LRRC19: variants seen among roughly 807,000 people sequenced by gnomAD.
LRRC19 encodes the protein leucine rich repeat containing 19, also known as leucine-rich repeat-containing protein 19.
LRRC19 carries 33 observed loss-of-function variants against 33.3 expected under a neutral mutation model. The observed-to-expected ratio is 0.99, with a 90% CI of 0.75 to 1.33. LRRC19 has a LOEUF of 1.33. Ranked by LOEUF, LRRC19 falls within the 40% of genes most tolerant of loss-of-function variation. The pLI is 0.00. For synonymous variants in LRRC19, 184 were observed against 152.3 expected, an observed-to-expected ratio of 1.21 and a Z score of -1.53; for missense variants, 463 against 417.3, an observed-to-expected ratio of 1.11 and a Z score of -0.95.
In LRRC19 at chr9:26,996,296, G is replaced by C. The variant is rs923630893; in HGVS notation, c.784+15C>G. On this transcript the variant is annotated intron_variant, in intron 4 of 4. Coordinates refer to ENST00000380055, the MANE Select transcript of LRRC19 (RefSeq NM_022901.3). ...ATACATTCAGCAGTGTTAATATATA[G>C]AACCAGTATATTACCTGAATTTCTT... The C allele has an allele frequency of 2.0e-6, 3 of 1,469,706 alleles. No homozygotes were observed. Among genetic ancestry groups the C allele is most frequent in the Non-Finnish European group, 2.8e-6 (3 of 1,068,874 alleles). 91.0% of individuals were successfully genotyped at this position (1,469,706 alleles called of 1,614,324 possible).
In LRRC19 at chr9:26,997,716, A is replaced by T; in HGVS notation, c.595+12T>A. The T allele has an allele frequency of 6.3e-7, 1 of 1,575,306 alleles. No individual in the cohort carries two copies. The highest frequency in any genetic ancestry group is 8.6e-7 in the Non-Finnish European group (1 of 1,165,862). On this transcript the variant is annotated intron_variant, in intron 3 of 4. Transcript: ENST00000380055. ...AATCACATTTTGGTTTTGCTTAATT[A>T]TGATAGCTTACCTAATGTCACATTT...
Position 26,994,862 on chromosome 9 carries a change from A to G in LRRC19, c.*659T>C, listed in dbSNP as rs2131563678. On this transcript the variant is annotated 3_prime_UTR_variant, in exon 5 of 5. Coordinates refer to ENST00000380055, the MANE Select transcript of LRRC19 (RefSeq NM_022901.3). ...TGTGATGCCCACTTTGGAAGCCAGTATGACATTAAACTGTAGTGATCCTGC... is the reference window on the plus strand; with the variant it reads ...TGTGATGCCCACTTTGGAAGCCAGTGTGACATTAAACTGTAGTGATCCTGC... 6.5e-6 allele frequency: 1 copy of G among 152,708 alleles called. No homozygotes were observed. Among genetic ancestry groups the G allele is most frequent in the South Asian group, 2.1e-4 (1 of 4,824 alleles). 9.5% of individuals were successfully genotyped at this position (152,708 alleles called of 1,614,324 possible). A position where few individuals can be genotyped will look rare whatever the true frequency, so the allele number is the denominator to read the frequency against.
chr9:27,002,708 G>A (rs1207553483), intron 1 of LRRC19, among the ~76,000 whole-genome samples: 1 of 152,148 alleles, frequency 6.6e-6, no homozygotes, highest in African/African-American at 2.4e-5. Flanking sequence ...AGAAAATTTT[G>A]AAGTCAGGTA....
chr9:27,004,853 G>GA (rs1026622668), intron 1 of LRRC19, among the ~76,000 whole-genome samples: 37 of 148,880 alleles, frequency 2.5e-4, no homozygotes, highest in South Asian at 4.2e-4. Context: ...CTACGTTACT[G>GA]AAAAAAAAAG....
rs756712096 is a variant in LRRC19, at chr9:26,997,830, G to A, written c.493C>T (p.Leu165=). ...NLISYLDVPP[L]FHLELITLYG... ...AAAGTTATTAATTCCAGATGAAATAGTGGTGGTACATCCAAATAGCTAATC... is the reference window on the plus strand; with the variant it reads ...AAAGTTATTAATTCCAGATGAAATAATGGTGGTACATCCAAATAGCTAATC... Residue 165 remains leucine, a synonymous_variant, in exon 3 of 5, where the codon CTA becomes TTA. Coordinates refer to ENST00000380055, the MANE Select transcript of LRRC19 (RefSeq NM_022901.3). The A allele has an allele frequency of 1.9e-6, 3 of 1,614,178 alleles. No homozygotes were observed. Among genetic ancestry groups the A allele is most frequent in the South Asian group, 1.1e-5 (1 of 91,080 alleles).
chr9:27,003,671 A>G (rs1434550728), intron 1 of LRRC19, among the ~76,000 whole-genome samples: 1 of 152,180 alleles, frequency 6.6e-6, no homozygotes, highest in East Asian at 1.9e-4. Context: ...TTGTTGATCC[A>G]TTTATGCACA....
intron 1 of LRRC19, 51 bp from the exon 2 acceptor site, chr9:26,999,754 T>C (rs1223848368): frequency 7.8e-7 from 1 of 1,276,504 alleles, no homozygotes; most frequent in Non-Finnish European, 1.1e-6. Flanking sequence ...TTTTCCCTCT[T>C]TTGAATCTGT....
intron 1 of LRRC19, among the ~76,000 whole-genome samples, chr9:27,000,380 TG>T (rs1416577243): frequency 6.6e-6 from 1 of 152,194 alleles, no homozygotes; most frequent in African/African-American, 2.4e-5. Context: ...CTTATATTGA[TG>T]GTCTTGATTT....
chr9:27,004,115 A>G (rs1010087170), intron 1 of LRRC19, among the ~76,000 whole-genome samples: 1 of 152,222 alleles, frequency 6.6e-6, no homozygotes, highest in African/African-American at 2.4e-5. Context: ...AAAAGTTGAT[A>G]TGAAATAGAA....
chr9:26,999,773 T>TC, intron 1 of LRRC19, 70 bp from the exon 2 acceptor site: 1 of 512,060 alleles, frequency 2.0e-6, no homozygotes, highest in East Asian at 4.6e-5. Flanking sequence ...GTTTATTCTT[T>TC]TTTTTTTTTT....
At chr9:27,002,413 C>T (rs1056246775) in intron 1 of LRRC19, among the ~76,000 whole-genome samples, 7 of 152,200 alleles carry the variant, frequency 4.6e-5, no homozygotes, top group Non-Finnish European at 7.3e-5. Flanking sequence ...TTTCTTGAAA[C>T]AGTTTTATAG....
intron 1 of LRRC19, among the ~76,000 whole-genome samples, chr9:26,999,951 T>G (rs1187411866): frequency 2.6e-5 from 4 of 151,976 alleles, no homozygotes; most frequent in Admixed American, 2.6e-4. Context: ...TAAAAATTTT[T>G]GTAGAGATGG....
chr9:26,999,760 T>A, intron 1 of LRRC19, 57 bp from the exon 2 acceptor site: 24 of 957,468 alleles, frequency 2.5e-5, no homozygotes, highest in Non-Finnish European at 3.4e-5. Flanking sequence ...CTCTTTTGAA[T>A]CTGTTTATTC....
chr9:26,996,172 G>C (rs7018585), intron 4 of LRRC19, 139 bp downstream of exon 4: 165,656 of 592,694 alleles, frequency 0.28, 28,230 homozygotes, highest in East Asian at 0.73. Flanking sequence ...GTTTGGAAGA[G>C]CAATATTTTG....
intron 1 of LRRC19, among the ~76,000 whole-genome samples, chr9:27,000,373 A>G (rs1359139232): frequency 6.6e-6 from 1 of 152,204 alleles, no homozygotes; most frequent in Non-Finnish European, 1.5e-5. Context: ...GTATATGCTT[A>G]TATTGATGGT....
At chr9:26,998,885 T>G (rs994065435) in intron 2 of LRRC19, among the ~76,000 whole-genome samples, 11 of 151,176 alleles carry the variant, frequency 7.3e-5, no homozygotes, top group Non-Finnish European at 1.3e-4. Flanking sequence ...TCCCAGCTAC[T>G]TGGGAGGCTG....
chr9:26,994,374 T>C lies in LRRC19; in HGVS notation c.*1147A>G, dbSNP rs1385081894. On this transcript the variant is annotated 3_prime_UTR_variant, in exon 5 of 5. Transcript: ENST00000380055. ...CAACATGGTGAAACCCTGTCTCTAC[T>C]AAAAATACAGAAATTAGCCAGGCAT... 6.6e-6 allele frequency: 1 copy of C among 151,834 alleles called. No individual in the cohort carries two copies. The highest frequency in any genetic ancestry group is 1.5e-5 in the Non-Finnish European group (1 of 68,010). 9.4% of individuals were successfully genotyped at this position (151,834 alleles called of 1,614,324 possible).
intron 3 of LRRC19, 76 bp downstream of exon 3, chr9:26,997,652 C>G: frequency 2.1e-6 from 3 of 1,457,654 alleles, no homozygotes; most frequent in Non-Finnish European, 2.8e-6. Context: ...TTCTTTAAAA[C>G]GTGATATGAG....
intron 1 of LRRC19, among the ~76,000 whole-genome samples, chr9:27,003,172 T>A (rs1227247745): frequency 6.6e-6 from 1 of 152,182 alleles, no homozygotes; most frequent in Non-Finnish European, 1.5e-5. Flanking sequence ...AGTTGTCAGT[T>A]TTTACAGATT....
Sources: gnomAD v4.1 joint callset for allele counts (sites outside exome capture counted in the v4.1 genomes callset) on GRCh38, gnomAD v4.1.1 for gene constraint, MANE v1.5 for transcripts, NCBI Gene and HGNC (gene_info 2026-07-23, HGNC 2026-07-21) for gene names.